RPH3A: variants seen among roughly 807,000 people sequenced by gnomAD.
RPH3A encodes the protein rabphilin-3A.
In RPH3A, 48 loss-of-function variants were observed where a neutral mutation model predicts 102.2. That is an observed-to-expected ratio of 0.47 (90% CI 0.37 to 0.60). The LOEUF is 0.60. Ranked by LOEUF, RPH3A falls within the 20% of genes least tolerant of loss-of-function variation. RPH3A has a pLI of 0.00. For synonymous variants in RPH3A, 310 were observed against 324.3 expected (o/e 0.96, Z 0.47); for missense variants, 781 against 910.1 (o/e 0.86, Z 1.83).
chr12:112,717,766 C>T (rs1024701591), intron 1 of RPH3A, among the ~76,000 whole-genome samples: 2 of 148,732 alleles, frequency 1.3e-5, no homozygotes, highest in African/African-American at 5.0e-5. Context: ...AATAGGATTG[C>T]AGGTTTGCAT....
At chr12:112,824,146 A>G (rs2041828197) in intron 2 of RPH3A, among the ~76,000 whole-genome samples, 1 of 152,218 alleles carries the variant, frequency 6.6e-6, no homozygotes, top group Non-Finnish European at 1.5e-5. Context: ...CAGCAGAGGA[A>G]GCTAGGCGAG....
intron 20 of RPH3A, among the ~76,000 whole-genome samples, chr12:112,895,050 T>A (rs1323001570): frequency 6.6e-6 from 1 of 152,178 alleles, no homozygotes; most frequent in Admixed American, 6.5e-5. Flanking sequence ...AGCTATTTTT[T>A]AAAAATCAGA....
At chr12:112,890,357 C>T (rs1250413846) in intron 18 of RPH3A, among the ~76,000 whole-genome samples, 1 of 152,182 alleles carries the variant, frequency 6.6e-6, no homozygotes, top group Non-Finnish European at 1.5e-5. Context: ...CTGACTAGGG[C>T]AATGGCACAC....
chr12:112,878,845 A>G (rs963960879), intron 13 of RPH3A, among the ~76,000 whole-genome samples: 1 of 152,216 alleles, frequency 6.6e-6, no homozygotes, highest in African/African-American at 2.4e-5. Flanking sequence ...CAACAAGATA[A>G]TCCCAGCTAT....
chr12:112,840,486 C>G (rs968211347), intron 4 of RPH3A, among the ~76,000 whole-genome samples: 7 of 152,148 alleles, frequency 4.6e-5, no homozygotes, highest in Non-Finnish European at 8.8e-5. Context: ...TCCTTCCTTC[C>G]CTGGAAATGC....
Position 112,713,023 on chromosome 12 carries a change from C to CT in RPH3A, c.-139-79119dup, listed in dbSNP as rs2040485409. ...CCTCTTCCTCTTCCTCTTCCTCTTC[C>CT]TCTTCTTCTTCTTCTTCTTCTTCTT... On this transcript the variant is annotated intron_variant, in intron 1 of 21. Coordinates refer to the RPH3A transcript ENST00000543106. 1.6e-3 allele frequency among the ~76,000 whole-genome samples: 87 copies of CT among 52,780 alleles called. 6 individuals are homozygous for CT. Among genetic ancestry groups the CT allele is most frequent in the East Asian group, 8.1e-3 (11 of 1,366 alleles). The allele number at this position is 52,780 out of a possible 152,430, so 34.6% of individuals were successfully genotyped here.
chr12:112,875,721 G>T lies in RPH3A; in HGVS notation c.926G>T (p.Arg309Leu). The T allele has an allele frequency of 6.2e-7, 1 of 1,613,952 alleles. No individual in the cohort carries two copies. The highest frequency in any genetic ancestry group is 1.1e-5 in the South Asian group (1 of 91,054). ...AGACCGGGTCCTGGGCCAGCAGGACGCTTTCCAGATCAGAAGCCAGGCAAG... is the reference window on the plus strand; with the variant it reads ...AGACCGGGTCCTGGGCCAGCAGGACTCTTTCCAGATCAGAAGCCAGGCAAG... ...GSRPGPGPAG[R>L]FPDQKPEVAP... The change falls in exon 12 of 22, where the codon CGC becomes CTC. Residue 309 changes from arginine to leucine, a missense_variant. By Grantham distance (102) the Arg-to-Leu change is moderately radical. This residue lies in a region of RPH3A where 730 missense variants were observed against 810.0 expected (regional missense o/e 0.90). Coordinates refer to ENST00000389385, the MANE Select transcript of RPH3A (RefSeq NM_001143854.2).
intron 1 of RPH3A, among the ~76,000 whole-genome samples, chr12:112,632,157 A>C (rs1446051731): frequency 6.6e-6 from 1 of 152,148 alleles, no homozygotes; most frequent in Non-Finnish European, 1.5e-5. Flanking sequence ...GCTGCCATCC[A>C]TGTAAGACGT....
At chr12:112,850,142 A>G (rs2042299382) in intron 5 of RPH3A, among the ~76,000 whole-genome samples, 1 of 152,104 alleles carries the variant, frequency 6.6e-6, no homozygotes, top group Non-Finnish European at 1.5e-5. Flanking sequence ...TCTGCCACTT[A>G]CCCACTGCAT....
intron 1 of RPH3A, among the ~76,000 whole-genome samples, chr12:112,631,965 C>T (rs1401658722): frequency 6.6e-6 from 1 of 152,154 alleles, no homozygotes; most frequent in African/African-American, 2.4e-5. Context: ...TGTCCCCACT[C>T]AAATCTCATC....
At chr12:112,637,088 A>C (rs2039853797) in intron 1 of RPH3A, among the ~76,000 whole-genome samples, 4 of 152,064 alleles carry the variant, frequency 2.6e-5, no homozygotes. Context: ...ATTACATTTT[A>C]TTCCTATTAG....
rs968409267 is a variant in RPH3A, at chr12:112,897,450, C to G, written c.*670C>G. The G allele has an allele frequency of 2.0e-5, 3 of 152,378 alleles. No individual in the cohort carries two copies. Among genetic ancestry groups the G allele is most frequent in the African/African-American group, 7.2e-5 (3 of 41,436 alleles). 9.4% of individuals were successfully genotyped at this position (152,378 alleles called of 1,614,324 possible). ...TGTGTGCTTCCTAGCAAAACAAAAACAAACGACAACAACAAAAAACCCTTC... is the reference window on the plus strand; with the variant it reads ...TGTGTGCTTCCTAGCAAAACAAAAAGAAACGACAACAACAAAAAACCCTTC... On this transcript the variant is annotated 3_prime_UTR_variant, in exon 22 of 22. Coordinates refer to ENST00000389385, the MANE Select transcript of RPH3A (RefSeq NM_001143854.2).
intron 1 of RPH3A, among the ~76,000 whole-genome samples, chr12:112,581,151 A>C (rs1263440511): frequency 6.6e-6 from 1 of 152,212 alleles, no homozygotes; most frequent in East Asian, 1.9e-4. Flanking sequence ...TCATGCTGCT[A>C]ATAGAGACAT....
chr12:112,797,085 G>A (rs2041247395), intron 2 of RPH3A, among the ~76,000 whole-genome samples: 1 of 152,124 alleles, frequency 6.6e-6, no homozygotes, highest in African/African-American at 2.4e-5. Flanking sequence ...GATAAAGTAA[G>A]TGGCTACCTA....
intron 1 of RPH3A, among the ~76,000 whole-genome samples, chr12:112,782,653 G>T (rs942145341): frequency 1.3e-5 from 2 of 152,044 alleles, no homozygotes; most frequent in African/African-American, 4.8e-5. Context: ...CTCTTCCCAG[G>T]GACTGTATTT....
chr12:112,829,203 G>A (rs982433308), intron 3 of RPH3A, among the ~76,000 whole-genome samples: 2 of 152,112 alleles, frequency 1.3e-5, no homozygotes, highest in Non-Finnish European at 2.9e-5. Flanking sequence ...TTGAGGATAC[G>A]GTTATTTTTG....
At chr12:112,658,908 G>A (rs1480614523) in intron 1 of RPH3A, among the ~76,000 whole-genome samples, 5 of 152,156 alleles carry the variant, frequency 3.3e-5, no homozygotes, top group Admixed American at 1.3e-4. Flanking sequence ...GAGGAAGGGG[G>A]AAAAGATGCT....
intron 1 of RPH3A, among the ~76,000 whole-genome samples, chr12:112,714,338 A>G (rs2040500186): frequency 6.6e-6 from 1 of 152,192 alleles, no homozygotes; most frequent in African/African-American, 2.4e-5. Context: ...TGATGCACAC[A>G]GGAAGATGTC....
chr12:112,828,169 G>A, intron 2 of RPH3A, 132 bp from the exon 3 acceptor site: 5 of 670,424 alleles, frequency 7.5e-6, no homozygotes, highest in Non-Finnish European at 1.3e-5. Flanking sequence ...CTCCCCATCT[G>A]GAAAATGAAG....
Sources: allele counts gnomAD v4.1 joint callset (sites outside exome capture counted in the v4.1 genomes callset), GRCh38; gene constraint gnomAD v4.1.1; regional missense constraint gnomAD v4.1.1; transcripts MANE v1.5; gene names NCBI Gene and HGNC (gene_info 2026-07-23, HGNC 2026-07-21).